Variants in NAV2 observed in about 807,000 individuals in gnomAD.
NAV2 encodes the protein helicase, APC down-regulated 1.
Under a neutral mutation model 223.2 loss-of-function variants are expected in NAV2, and 54 were observed. The ratio of observed to expected loss-of-function variants is 0.24; its 90% confidence interval spans 0.19 to 0.30. The LOEUF is 0.30. NAV2 is among the 10% of genes least tolerant of loss of function. The pLI is 1.00. For missense variants in NAV2, 2,806 were observed against 3,147.5 expected (o/e 0.89, Z 2.60); for synonymous variants, 1,279 against 1,239.3 (o/e 1.03, Z -0.67).
chr11:20,088,556 G>T (rs1256062692), intron 26 of NAV2, among the ~76,000 whole-genome samples: 2 of 152,196 alleles, frequency 1.3e-5, no homozygotes, highest in African/African-American at 4.8e-5. Context: ...CTGAGAGCTG[G>T]CTGATTCTGG....
chr11:19,867,208 C>T (rs1318393163), intron 3 of NAV2, among the ~76,000 whole-genome samples: 2 of 152,198 alleles, frequency 1.3e-5, no homozygotes, highest in Non-Finnish European at 2.9e-5. Context: ...ACATCACACA[C>T]AGGGTACTCC....
chr11:19,973,601 G>T (rs112602228), intron 10 of NAV2, among the ~76,000 whole-genome samples: 1 of 152,194 alleles, frequency 6.6e-6, no homozygotes, highest in African/African-American at 2.4e-5. Flanking sequence ...GAGATTAAGC[G>T]TGTGTGCTAA....
At position 19,597,427 on chromosome 11, in the gene NAV2, C is replaced by T. The variant is rs112343502; in HGVS notation, c.76-235057C>T. On this transcript the variant is annotated intron_variant, in intron 1 of 37. Transcript: ENST00000360655. ...CTTCTCATATTTATGCCTTGTCTTG[C>T]CTCGCTGCCCCATCTTACTACTGAC... 4.2e-3 allele frequency among the ~76,000 whole-genome samples: 642 copies of T among 152,252 alleles called. 5 individuals carry two copies. Among genetic ancestry groups the T allele is most frequent in the African/African-American group, 0.015 (617 of 41,542 alleles).
At chr11:19,821,398 T>C (rs1328702344) in intron 1 of NAV2, among the ~76,000 whole-genome samples, 1 of 152,180 alleles carries the variant, frequency 6.6e-6, no homozygotes, top group Non-Finnish European at 1.5e-5. Context: ...CAGCCTGGTT[T>C]ATTTTTTTTA....
chr11:19,619,841 T>C (rs1308788049), intron 1 of NAV2, among the ~76,000 whole-genome samples: 1 of 152,240 alleles, frequency 6.6e-6, no homozygotes, highest in Admixed American at 6.5e-5. Flanking sequence ...TGCCCACGCC[T>C]ATGTCCTGAA....
chr11:19,880,022 C>T lies in NAV2; in HGVS notation c.665C>T (p.Ala222Val), dbSNP rs781745996. 2.5e-6 allele frequency: 4 copies of T among 1,613,740 alleles called. No individual in the cohort carries two copies. The South Asian group carries it at 4.4e-5, about 18-fold the overall frequency. The change falls in exon 5 of 38, where the codon GCT becomes GTT. Residue 222 changes from alanine to valine, a missense_variant. Around this residue, in one of 4 missense-constraint regions of NAV2, gnomAD observed 1,167 missense variants for 1,180.5 expected, o/e 0.99. Coordinates refer to ENST00000349880, the MANE Select transcript of NAV2 (RefSeq NM_145117.5). ...GCCGGGGCCCCCTCCCAGTGCCAGG[C>T]TGGCACCCCTCAGCAGCAGGTGCCA... is the stretch of plus-strand genomic sequence containing the variant. ...QVAGAPSQCQ[A>V]GTPQQQVPVT...
At chr11:19,862,523 T>G (rs979938390) in intron 3 of NAV2, among the ~76,000 whole-genome samples, 3 of 152,220 alleles carry the variant, frequency 2.0e-5, no homozygotes, top group African/African-American at 7.2e-5. Flanking sequence ...TCTTTATACA[T>G]CAGCCTGAGT....
chr11:19,779,747 T>C (rs1401642505), intron 1 of NAV2, among the ~76,000 whole-genome samples: 1 of 152,264 alleles, frequency 6.6e-6, no homozygotes, highest in East Asian at 1.9e-4. Flanking sequence ...CATTATTTTC[T>C]TCAGTGGTAA....
intron 1 of NAV2, among the ~76,000 whole-genome samples, chr11:19,582,203 G>C (rs1299468451): frequency 6.6e-6 from 1 of 152,162 alleles, no homozygotes; most frequent in Non-Finnish European, 1.5e-5. Context: ...CCCACTTGTT[G>C]ATGGGGTTGT....
intron 4 of NAV2, among the ~76,000 whole-genome samples, chr11:19,875,119 T>C (rs1304091845): frequency 6.6e-6 from 1 of 152,194 alleles, no homozygotes; most frequent in Non-Finnish European, 1.5e-5. Context: ...ATTGTGCCAC[T>C]GCACTCCAGC....
At chr11:19,568,710 G>T (rs2045341418) in intron 1 of NAV2, among the ~76,000 whole-genome samples, 1 of 152,166 alleles carries the variant, frequency 6.6e-6, no homozygotes, top group African/African-American at 2.4e-5. Flanking sequence ...GTGAGCACTT[G>T]CCCAAGGTCT....
chr11:19,923,994 C>T (rs2044503507), intron 6 of NAV2, among the ~76,000 whole-genome samples: 1 of 152,088 alleles, frequency 6.6e-6, no homozygotes, highest in Non-Finnish European at 1.5e-5. Context: ...CCTTCAGACA[C>T]CAGCAAATGA....
chr11:20,095,697 T>C lies in NAV2; in HGVS notation c.5942T>C (p.Ile1981Thr). The change falls in exon 30 of 38, where the codon ATT becomes ACT. Residue 1981 changes from isoleucine to threonine, a missense_variant. Ile to Thr is a moderately conservative substitution (Grantham distance 89, BLOSUM62 -1). Around this residue, in one of 4 missense-constraint regions of NAV2, gnomAD observed 824 missense variants for 1,069.4 expected, o/e 0.77. Transcript: ENST00000349880. ...GATTCCAGACCACATCTCTTTCTTA[T>C]TGGCTGCATTGGAGTTAGTGGCAAG... is the stretch of plus-strand genomic sequence containing the variant. Reference protein sequence around the residue: ...KEDSRPHLFLIGCIGVSGKTK... With the variant: ...KEDSRPHLFLTGCIGVSGKTK... 1.2e-6 allele frequency: 2 copies of C among 1,613,932 alleles called. No individual in the cohort carries two copies. The highest frequency in any genetic ancestry group is 8.5e-7 in the Non-Finnish European group (1 of 1,179,810).
rs138232474 is a variant in NAV2 at position 19,930,379 on chromosome 11, G to A, written c.932-2797G>A. ...AGCAAGCCTCAGAGTAGTTCCAAGC[G>A]GTAAGATCACATTGATCCATGTACA... On this transcript the variant is annotated intron_variant, in intron 6 of 37. Transcript: ENST00000349880. Among the ~76,000 whole-genome samples the A allele has an allele frequency of 2.7e-3, 414 of 152,204 alleles. 2 individuals are homozygous for A. Among genetic ancestry groups the A allele is most frequent in the African/African-American group, 9.0e-3 (374 of 41,524 alleles).
At chr11:19,472,007 C>A in intron 1 of NAV2, among the ~76,000 whole-genome samples, 1 of 152,312 alleles carries the variant, frequency 6.6e-6, no homozygotes, top group Middle Eastern at 3.4e-3. Flanking sequence ...TCCCAACTAA[C>A]GGGTTGCTTT....
intron 1 of NAV2, among the ~76,000 whole-genome samples, chr11:19,604,927 G>A (rs2046439932): frequency 6.6e-6 from 1 of 152,182 alleles, no homozygotes; most frequent in African/African-American, 2.4e-5. Flanking sequence ...TGTAAGACAT[G>A]ACTTGCTCCT....
intron 1 of NAV2, among the ~76,000 whole-genome samples, chr11:19,719,031 A>G (rs1440894298): frequency 6.6e-6 from 1 of 152,182 alleles, no homozygotes; most frequent in Non-Finnish European, 1.5e-5. Context: ...CTGAAGCACC[A>G]AATCTGGGTC....
intron 1 of NAV2, among the ~76,000 whole-genome samples, chr11:19,793,242 GAAAGAAA>G (rs2057664817): frequency 1.4e-5 from 2 of 146,252 alleles, no homozygotes; most frequent in Admixed American, 1.4e-4. Context: ...AAGAAAGAAA[GAAAGAAA>G]GGATGGATGG....
At chr11:19,906,950 T>C (rs899450345) in intron 6 of NAV2, among the ~76,000 whole-genome samples, 1 of 152,322 alleles carries the variant, frequency 6.6e-6, no homozygotes, top group African/African-American at 2.4e-5. Flanking sequence ...AATGTCAGAC[T>C]TGGGCTCAGG....
Sources: gnomAD v4.1 joint callset for allele counts (sites outside exome capture counted in the v4.1 genomes callset) on GRCh38, gnomAD v4.1.1 for gene constraint, gnomAD v4.1.1 regional missense constraint, MANE v1.5 for transcripts, NCBI Gene and HGNC (gene_info 2026-07-23, HGNC 2026-07-21) for gene names.